PLEKHJ1: variants seen among roughly 807,000 people sequenced by gnomAD.
The protein encoded by PLEKHJ1 is pleckstrin homology domain containing J1.
In PLEKHJ1, 20 loss-of-function variants were observed where a neutral mutation model predicts 21.7. That is an observed-to-expected ratio of 0.92 (90% CI 0.65 to 1.34). The LOEUF (loss-of-function observed/expected upper bound fraction) is 1.34, where lower values mean the gene tolerates loss of function less well. Ranked by LOEUF, PLEKHJ1 falls within the 40% of genes most tolerant of loss-of-function variation. PLEKHJ1 has a pLI of 0.00. For missense variants in PLEKHJ1, 241 were observed against 202.0 expected (o/e 1.19, Z -1.17); for synonymous variants, 113 against 80.6 (o/e 1.40, Z -2.15).
At chr19:2,230,353 C>T, downstream of PLEKHJ1, 1 of 412,542 alleles carries the variant, frequency 2.4e-6, no homozygotes, top group Non-Finnish European at 4.3e-6. Flanking sequence ...TCCTGAGCGC[C>T]CTGGCGCCTG....
chr19:2,235,793 G>T lies in PLEKHJ1; in HGVS notation c.198C>A (p.Val66=). ...AGAAGGTGCCGGGCTCTTCCCGGACGACTCTGCAGCGCTCCAGCAGCAGGG... is the reference window on the plus strand; with the variant it reads ...AGAAGGTGCCGGGCTCTTCCCGGACTACTCTGCAGCGCTCCAGCAGCAGGG... ...VGALLLERCR[V]VREEPGTFSI... is the part of the protein sequence containing the mutation. The change falls in exon 3 of 6, where the codon GTC becomes GTA. Residue 66 remains valine (V), a synonymous_variant. Coordinates refer to ENST00000326631, the MANE Select transcript of PLEKHJ1 (RefSeq NM_018049.3). The T allele has an allele frequency of 1.9e-6, 3 of 1,550,376 alleles. No individual in the cohort carries two copies. Among genetic ancestry groups the T allele is most frequent in the South Asian group, 2.4e-5 (2 of 84,292 alleles).
downstream of PLEKHJ1, chr19:2,231,684 CTG>C (rs1383281043): frequency 3.3e-5 from 7 of 214,678 alleles, no homozygotes; most frequent in Middle Eastern, 1.5e-3. Context: ...GCAGCCTGCT[CTG>C]TGTCGCCACG....
rs2024798199 is a variant in PLEKHJ1, at chr19:2,235,975, A to C, written c.110T>G (p.Leu37Arg). ...GAGGAAATTCACCACCAGCTTCACC[A>C]GCCGCCGCTTCAGCACTGCGGGCAC... ...PKKGSVLKRRLVKLVVNFLFY... is the reference protein window; with the variant it reads ...PKKGSVLKRRRVKLVVNFLFY... The change falls in exon 2 of 6, where the codon CTG (leucine) becomes CGG (arginine). Residue 37 changes from leucine to arginine, a missense_variant. Leu to Arg is a moderately radical substitution (Grantham distance 102). Transcript: ENST00000326631. 1 of 1,610,106 alleles carries C rather than the reference A, an allele frequency of 6.2e-7. No homozygotes were observed. Among genetic ancestry groups the C allele is most frequent in the South Asian group, 1.1e-5 (1 of 90,932 alleles).
chr19:2,234,328 C>G (rs1287509433), intron 3 of PLEKHJ1, 88 bp from the exon 4 acceptor site: 3 of 966,000 alleles, frequency 3.1e-6, no homozygotes, highest in African/African-American at 3.2e-5. Flanking sequence ...CTTCTCTGGC[C>G]CCCACAAAGA....
chr19:2,230,675 T>G (rs1488887398), downstream of PLEKHJ1: 1 of 398,136 alleles, frequency 2.5e-6, no homozygotes, highest in African/African-American at 2.1e-5. Context: ...TGAGAATTTA[T>G]AAATTTCATA....
At position 2,233,583 on chromosome 19, in the gene PLEKHJ1, A is replaced by C. The variant is rs925125548; in HGVS notation, c.*257T>G. On this transcript the variant is annotated 3_prime_UTR_variant, in exon 6 of 6. Transcript: ENST00000326631. ...ACCAAAAACCTCCCACTGAAAATCC[A>C]GGTGTGATGGCCGGGTGTGGCGGCT... 7 of 543,106 alleles carry C rather than the reference A, an allele frequency of 1.3e-5. No homozygotes were observed. The African/African-American group carries it at 1.3e-4, about 10-fold the overall frequency. The allele number at this position is 543,106 out of a possible 1,614,324, so 33.6% of individuals were successfully genotyped here.
In PLEKHJ1 at chr19:2,235,961, CCA is replaced by C; in HGVS notation, c.122_123del (p.Val41GlyfsTer39). 2 of 1,610,346 alleles carry C rather than the reference CCA, an allele frequency of 1.2e-6. No homozygotes were observed. The highest frequency in any genetic ancestry group is 1.7e-6 in the Non-Finnish European group (2 of 1,179,060). ...GTCCGAAAGTAGAAGAGGAAATTCA[CCA>C]CCAGCTTCACCAGCCGCCGCTTCAG... ...SVLKRRLVKL[V>X]VNFLFYFRTD... is the part of the protein sequence containing the mutation. On this transcript the variant is annotated frameshift_variant, in exon 2 of 6. Coordinates refer to ENST00000326631, the MANE Select transcript of PLEKHJ1 (RefSeq NM_018049.3). LOFTEE classifies it high-confidence loss of function.
Position 2,233,675 on chromosome 19 carries a change from G to T in PLEKHJ1, c.*165C>A. 1 of 629,080 alleles carries T rather than the reference G, an allele frequency of 1.6e-6. No homozygotes were observed. The highest frequency in any genetic ancestry group is 2.8e-6 in the Non-Finnish European group (1 of 362,584). 39.0% of individuals were successfully genotyped at this position (629,080 alleles called of 1,614,324 possible). On this transcript the variant is annotated 3_prime_UTR_variant, in exon 6 of 6. Coordinates refer to ENST00000326631, the MANE Select transcript of PLEKHJ1 (RefSeq NM_018049.3). ...GATCACTTGAGTCCAGAAGGTCAAG[G>T]TCACAGTGAGCTGTGGCACCACTGC... is the stretch of plus-strand genomic sequence containing the variant.
At chr19:2,230,234 C>T (rs138329274), downstream of PLEKHJ1, 1,826 of 413,044 alleles carry the variant, frequency 4.4e-3, 7 homozygotes, top group Non-Finnish European at 6.1e-3. Context: ...CGCCGAACCC[C>T]GTTCTCGGAA....
chr19:2,232,201 G>T, downstream of PLEKHJ1: 1 of 222,632 alleles, frequency 4.5e-6, no homozygotes, highest in East Asian at 6.5e-5. Context: ...CTCTTGCTCA[G>T]GAATTGATAG....
chr19:2,236,327 G>C lies in PLEKHJ1; in HGVS notation c.-79C>G, dbSNP rs563666909. 3 of 916,634 alleles carry C rather than the reference G, an allele frequency of 3.3e-6. No individual in the cohort carries two copies. The highest frequency in any genetic ancestry group is 6.6e-5 in the East Asian group (2 of 30,156). 56.8% of individuals were successfully genotyped at this position (916,634 alleles called of 1,614,324 possible). On this transcript the variant is annotated 5_prime_UTR_variant, in exon 1 of 6. Coordinates refer to ENST00000326631, the MANE Select transcript of PLEKHJ1 (RefSeq NM_018049.3). ...TCAGGCTGGGGCCGGCGCCAAAAAT[G>C]TCTCAGGGCGCAGACACGGAAGCAC...
rs749030758 is a variant in PLEKHJ1 at position 2,235,925 on chromosome 19, C to T, written c.160G>A (p.Glu54Lys). 1.1e-5 allele frequency: 18 copies of T among 1,609,514 alleles called. No homozygotes were observed. Among genetic ancestry groups the T allele is most frequent in the Non-Finnish European group, 1.4e-5 (17 of 1,178,644 alleles). The change falls in exon 2 of 6, where the codon GAG becomes AAG. Residue 54 changes from glutamate to lysine, a missense_variant and splice_region_variant. Coordinates refer to ENST00000326631, the MANE Select transcript of PLEKHJ1 (RefSeq NM_018049.3). ...FLFYFRTDEAEPVGALLLERC... is the reference protein window; with the variant it reads ...FLFYFRTDEAKPVGALLLERC... ...CCGCGCGCCCGGGACGCCCCTACCT[C>T]GGCCTCGTCTGTCCGAAAGTAGAAG...
chr19:2,235,511 G>A (rs1302726328), intron 3 of PLEKHJ1: 19 of 543,184 alleles, frequency 3.5e-5, no homozygotes, highest in Middle Eastern at 4.8e-4. Context: ...GTACAGCCTG[G>A]GCCCACAGGG....
At chr19:2,234,584 T>TTAC (rs1217179757) in intron 3 of PLEKHJ1, 8 of 270,104 alleles carry the variant, frequency 3.0e-5, no homozygotes, top group Non-Finnish European at 3.6e-5. Context: ...TGGTGGGGCC[T>TTAC]TGTAGGCCCA....
chr19:2,236,066 C>A, intron 1 of PLEKHJ1, 76 bp from the exon 2 acceptor site: 7 of 1,443,136 alleles, frequency 4.9e-6, no homozygotes, highest in Admixed American at 6.0e-5. Flanking sequence ...GGCGCCCCGA[C>A]CCGGACTCCG....
downstream of PLEKHJ1, chr19:2,232,182 T>C (rs1309627602): frequency 9.0e-6 from 2 of 222,998 alleles, no homozygotes; most frequent in Non-Finnish European, 1.8e-5. Flanking sequence ...GGGCGGCGCC[T>C]GGGAGTGGCT....
At chr19:2,235,637 T>C in intron 3 of PLEKHJ1, 125 bp downstream of exon 3, 1 of 774,568 alleles carries the variant, frequency 1.3e-6, no homozygotes, top group Non-Finnish European at 2.1e-6. Flanking sequence ...CACTCTTGTG[T>C]TTGAGGAGGG....
At chr19:2,234,454 T>C in intron 3 of PLEKHJ1, 2 of 541,404 alleles carry the variant, frequency 3.7e-6, no homozygotes, top group Non-Finnish European at 6.6e-6. Flanking sequence ...CTCATGCCTA[T>C]AATCCCAGCG....
At chr19:2,230,641 T>TG, downstream of PLEKHJ1, 1 of 398,496 alleles carries the variant, frequency 2.5e-6, no homozygotes, top group South Asian at 1.3e-4. Context: ...CACTAATGAG[T>TG]GGCAGTATTT....
Sources: gnomAD v4.1 joint callset for allele counts on GRCh38, gnomAD v4.1.1 for gene constraint, MANE v1.5 for transcripts, NCBI Gene and HGNC (gene_info 2026-07-23, HGNC 2026-07-21) for gene names.